SORL1: variants seen among roughly 807,000 people sequenced by gnomAD.
SORL1 encodes the protein sortilin related receptor 1, also known as sortilin-related receptor.
A neutral mutation model predicts 273.7 loss-of-function variants in SORL1; 127 were observed. The ratio of observed to expected loss-of-function variants is 0.46; its 90% confidence interval spans 0.40 to 0.54. The LOEUF is 0.54. SORL1 is among the 20% of genes least tolerant of loss of function. SORL1 has a pLI of 0.00. For missense variants in SORL1, 2,494 were observed against 2,846.1 expected, an observed-to-expected ratio of 0.88 and a Z score of 2.81; for synonymous variants, 1,031 against 1,067.4, an observed-to-expected ratio of 0.97 and a Z score of 0.66.
intron 33 of SORL1, 141 bp downstream of exon 33, chr11:121,604,465 T>C (rs1863439294): frequency 8.7e-7 from 1 of 1,153,320 alleles, no homozygotes; most frequent in South Asian, 1.7e-5. Flanking sequence ...TTGTGCCTAG[T>C]TTTGGAGCCC....
At chr11:121,509,129 T>C (rs1861834931) in intron 6 of SORL1, among the ~76,000 whole-genome samples, 1 of 152,048 alleles carries the variant, frequency 6.6e-6, no homozygotes, top group Non-Finnish European at 1.5e-5. Flanking sequence ...TTTTTTTTTT[T>C]TGTAAACAAC....
chr11:121,591,589 G>A (rs1399897582), intron 31 of SORL1, among the ~76,000 whole-genome samples: 1 of 152,206 alleles, frequency 6.6e-6, no homozygotes, highest in Non-Finnish European at 1.5e-5. Context: ...AGAAGGGTAA[G>A]CACTGCCATC....
intron 12 of SORL1, 41 bp downstream of exon 12, chr11:121,532,593 C>T: frequency 1.3e-6 from 2 of 1,529,064 alleles, no homozygotes; most frequent in South Asian, 1.1e-5. Flanking sequence ...CAAACTTTCT[C>T]CCAGAAATTT....
Position 121,452,488 on chromosome 11 carries a change from G to A in SORL1, c.157G>A (p.Gly53Ser). 2 of 1,489,144 alleles carry A rather than the reference G, an allele frequency of 1.3e-6. No individual in the cohort carries two copies. Among genetic ancestry groups the A allele is most frequent in the Non-Finnish European group, 1.8e-6 (2 of 1,121,760 alleles). 92.2% of individuals were successfully genotyped at this position (1,489,144 alleles called of 1,614,324 possible). A position where few individuals can be genotyped will look rare whatever the true frequency, so the allele number is the denominator to read the frequency against. Residue 53 changes from glycine (G) to serine (S), a missense_variant, in exon 1 of 48, where the codon GGC becomes AGC. Coordinates refer to ENST00000260197, the MANE Select transcript of SORL1 (RefSeq NM_003105.6). The surrounding 1 kb of genome is among the most constrained non-coding windows in gnomAD (Gnocchi z 5.3). ...GGACCGGGGCTTCCTCGTGGTGCAG[G>A]GCGACCCGCGCGAGCTGCGGCTGTG... is the stretch of plus-strand genomic sequence containing the variant. ...PQDRGFLVVQGDPRELRLWAR... is the reference protein window; with the variant it reads ...PQDRGFLVVQSDPRELRLWAR...
At chr11:121,534,532 G>A (rs1243042378) in intron 12 of SORL1, among the ~76,000 whole-genome samples, 1 of 152,182 alleles carries the variant, frequency 6.6e-6, no homozygotes, top group African/African-American at 2.4e-5. Context: ...TGTTTGAATA[G>A]TTCAAATAAA....
At chr11:121,600,517 A>C (rs1863372789) in intron 32 of SORL1, among the ~76,000 whole-genome samples, 1 of 152,236 alleles carries the variant, frequency 6.6e-6, no homozygotes, top group Non-Finnish European at 1.5e-5. Context: ...AATAAGATGA[A>C]CATTGGAGAT....
At position 121,606,514 on chromosome 11, in the gene SORL1, G is replaced by A. The variant is rs111930246; in HGVS notation, c.4949-331G>A. Among the ~76,000 whole-genome samples, 783 of 152,292 alleles carry A rather than the reference G, an allele frequency of 5.1e-3. 4 individuals carry two copies. The highest frequency in any genetic ancestry group is 0.018 in the African/African-American group (743 of 41,532). Reference sequence around the variant, plus strand: ...TGTACAAGAAGCAGAGGCAGCAGGTGCTGTCATTGACAATTAAGATCTCAG... The same window carrying A: ...TGTACAAGAAGCAGAGGCAGCAGGTACTGTCATTGACAATTAAGATCTCAG... On this transcript the variant is annotated intron_variant, in intron 35 of 47. Transcript: ENST00000260197.
chr11:121,488,787 A>G (rs1043768452), intron 4 of SORL1, among the ~76,000 whole-genome samples: 1 of 152,184 alleles, frequency 6.6e-6, no homozygotes, highest in African/African-American at 2.4e-5. Context: ...CAAGTCAAGG[A>G]TATTAGTTTG....
At chr11:121,549,909 G>A (rs1862482683) in intron 14 of SORL1, 51 bp from the exon 15 acceptor site, 2 of 1,590,166 alleles carry the variant, frequency 1.3e-6, no homozygotes, top group South Asian at 1.1e-5. Context: ...GTACAGGAAT[G>A]CCTGAAATGT....
chr11:121,479,024 C>T (rs1565307128), intron 3 of SORL1, among the ~76,000 whole-genome samples: 1 of 151,800 alleles, frequency 6.6e-6, no homozygotes, highest in Non-Finnish European at 1.5e-5. Context: ...ACGTGGGTAC[C>T]TGCGTGCGTG....
At chr11:121,623,518 G>T (rs1240474728) in intron 45 of SORL1, among the ~76,000 whole-genome samples, 1 of 152,142 alleles carries the variant, frequency 6.6e-6, no homozygotes, top group Non-Finnish European at 1.5e-5. Context: ...GAAGAGGATG[G>T]GTTAAATAAC....
At chr11:121,535,978 A>T (rs974318044) in intron 12 of SORL1, among the ~76,000 whole-genome samples, 1 of 152,166 alleles carries the variant, frequency 6.6e-6, no homozygotes, top group African/African-American at 2.4e-5. Context: ...CTTTTTCGTC[A>T]GAGAAGGGGC....
In SORL1 at chr11:121,559,588, A is replaced by T. The variant is rs375901324; in HGVS notation, c.2980A>T (p.Met994Leu). 1.2e-5 allele frequency: 19 copies of T among 1,614,036 alleles called. No homozygotes were observed. The African/African-American group carries it at 1.2e-4, about 10-fold the overall frequency. The change falls in exon 21 of 48, where the codon ATG becomes TTG. Residue 994 changes from methionine (M) to leucine (L), a missense_variant. By Grantham distance (15) the Met-to-Leu change is conservative (BLOSUM62 2). Transcript: ENST00000260197. The stretch of plus-strand genomic sequence containing the variant: ...AGCTTCCAAATACAGTGGGTCCCAG[A>T]TGGAGATTCTGGCAAACCAGCTCAC... ...FRASKYSGSQ[M>L]EILANQLTGL... is the part of the protein sequence containing the mutation.
chr11:121,566,842 C>T lies in SORL1; in HGVS notation c.3050-98C>T, dbSNP rs1224263146. The T allele has an allele frequency of 5.1e-6, 6 of 1,179,520 alleles. No homozygotes were observed. In the East Asian group the frequency reaches 1.5e-4, roughly 30 times the overall value. The allele number at this position is 1,179,520 out of a possible 1,614,324, so 73.1% of individuals were successfully genotyped here. ...CCTTGAGAGCTTCTCGCTGTCCTTT[C>T]CGTAAGACGAGGAGGTTGCAGTGGG... On this transcript the variant is annotated intron_variant, in intron 21 of 47. Transcript: ENST00000260197.
rs750333230 is a variant in SORL1 at position 121,595,760 on chromosome 11, G to T, written c.4507G>T (p.Glu1503Ter). The stretch of plus-strand genomic sequence containing the variant: ...CCAAGATTGCCAGGATGGCCGGGAC[G>T]AGGCCAATTGCCGTGAGTAGTCAGA... ...GHQDCQDGRD[E>*]ANCPTHSTLT... Residue 1503 changes from glutamate to a stop codon, truncating the protein, a stop_gained, in exon 32 of 48, where the codon GAG (glutamate) becomes TAG (stop). Coordinates refer to ENST00000260197, the MANE Select transcript of SORL1 (RefSeq NM_003105.6). LOFTEE classifies it high-confidence loss of function. This position sits in a 1 kb window ranked among gnomAD's most constrained non-coding sequence, Gnocchi z 5.1. The T allele has an allele frequency of 6.2e-7, 1 of 1,612,806 alleles. No homozygotes were observed. The highest frequency in any genetic ancestry group is 8.5e-7 in the Non-Finnish European group (1 of 1,180,004).
rs2062848313 is a variant in SORL1 at position 121,633,551 on chromosome 11, C to G, written c.*3988C>G. 6.6e-6 allele frequency: 1 copy of G among 152,290 alleles called. No homozygotes were observed. The highest frequency in any genetic ancestry group is 6.5e-5 in the Admixed American group (1 of 15,302). 9.4% of individuals were successfully genotyped at this position (152,290 alleles called of 1,614,324 possible). A position where few individuals can be genotyped will look rare whatever the true frequency, so the allele number is the denominator to read the frequency against. The stretch of plus-strand genomic sequence containing the variant: ...ATTAAGTATTTATAATTTCAATTGC[C>G]TCGATAAGTTTCCAAGTCACTGAAA... On this transcript the variant is annotated 3_prime_UTR_variant, in exon 48 of 48. Transcript: ENST00000260197.
At chr11:121,515,562 A>G (rs1160863095) in intron 8 of SORL1, among the ~76,000 whole-genome samples, 1 of 152,242 alleles carries the variant, frequency 6.6e-6, no homozygotes, top group Non-Finnish European at 1.5e-5. Flanking sequence ...GAGAGAAGGA[A>G]GAAACAGGAC....
intron 1 of SORL1, 51 bp from the exon 2 acceptor site, chr11:121,469,956 G>A (rs768940438): frequency 3.6e-6 from 4 of 1,104,820 alleles, no homozygotes; most frequent in Admixed American, 1.7e-5. Flanking sequence ...TTTAGAATGT[G>A]TGTGGCCATC....
intron 2 of SORL1, among the ~76,000 whole-genome samples, chr11:121,472,751 G>A (rs1409490463): frequency 1.3e-5 from 2 of 152,124 alleles, no homozygotes; most frequent in African/African-American, 2.4e-5. Flanking sequence ...ACCTGAGGTC[G>A]GGAGTTTGAG....
Sources: gnomAD v4.1 joint callset for allele counts (sites outside exome capture counted in the v4.1 genomes callset) on GRCh38, gnomAD v4.1.1 for gene constraint, Gnocchi (gnomAD v3.1) non-coding constraint, MANE v1.5 for transcripts, NCBI Gene and HGNC (gene_info 2026-07-23, HGNC 2026-07-21) for gene names.